Variants in FGGY observed in about 807,000 individuals in gnomAD.
The protein encoded by FGGY is FGGY carbohydrate kinase domain containing.
In FGGY, 72 loss-of-function variants were observed where a neutral mutation model predicts 71.3. The ratio of observed to expected loss-of-function variants is 1.01; its 90% CI spans 0.84 to 1.23. The LOEUF (loss-of-function observed/expected upper bound fraction) is 1.23, where lower values mean the gene tolerates loss of function less well. FGGY is among the 50% of genes most tolerant of loss of function. The pLI, the probability that FGGY is intolerant of heterozygous loss-of-function variation, is 0.00. For missense variants in FGGY, 668 were observed against 682.3 expected, an observed-to-expected ratio of 0.98 and a Z score of 0.23; for synonymous variants, 251 against 250.3, an observed-to-expected ratio of 1.00 and a Z score of -0.02.
intron 4 of FGGY, among the ~76,000 whole-genome samples, chr1:59,365,715 C>A (rs1040985310): frequency 6.6e-6 from 1 of 152,206 alleles, no homozygotes; most frequent in Non-Finnish European, 1.5e-5. Context: ...AGTTTTCTGA[C>A]TCCTTGCCTT....
chr1:59,385,910 A>G (rs1383814657), intron 5 of FGGY, among the ~76,000 whole-genome samples: 2 of 152,176 alleles, frequency 1.3e-5, no homozygotes, highest in Non-Finnish European at 2.9e-5. Context: ...AACTTTTTCT[A>G]ACATTGGGAG....
At chr1:59,664,871 G>A (rs1345498874) in intron 12 of FGGY, among the ~76,000 whole-genome samples, 3 of 151,836 alleles carry the variant, frequency 2.0e-5, no homozygotes, top group Non-Finnish European at 1.5e-5. Flanking sequence ...TAATTTTTTT[G>A]CATGTTGACA....
At chr1:59,454,061 C>T (rs1405491949) in intron 5 of FGGY, among the ~76,000 whole-genome samples, 1 of 152,102 alleles carries the variant, frequency 6.6e-6, no homozygotes, top group Admixed American at 6.6e-5. Flanking sequence ...AGTAGAGAAA[C>T]TTTCACAGAG....
At chr1:59,467,189 A>T (rs1469167787) in intron 6 of FGGY, among the ~76,000 whole-genome samples, 4 of 152,184 alleles carry the variant, frequency 2.6e-5, no homozygotes, top group Non-Finnish European at 1.5e-5. Context: ...GGATGAGTAC[A>T]TGTCTTTTGT....
At chr1:59,756,356 C>T (rs528463730) in intron 14 of FGGY, among the ~76,000 whole-genome samples, 1 of 152,326 alleles carries the variant, frequency 6.6e-6, no homozygotes, top group South Asian at 2.1e-4. Context: ...GTTCAGAATG[C>T]ACATGCTATC....
chr1:59,688,057 A>G (rs1573214721), intron 14 of FGGY, among the ~76,000 whole-genome samples: 1 of 152,238 alleles, frequency 6.6e-6, no homozygotes, highest in East Asian at 1.9e-4. Flanking sequence ...TTTGATGAAT[A>G]CTGCCTATAC....
At chr1:59,304,484 A>T (rs2043174597) in intron 1 of FGGY, among the ~76,000 whole-genome samples, 1 of 152,056 alleles carries the variant, frequency 6.6e-6, no homozygotes, top group South Asian at 2.1e-4. Context: ...TTGTAATATA[A>T]TTTGAAATTG....
chr1:59,621,928 T>A (rs2096812475), intron 9 of FGGY, among the ~76,000 whole-genome samples: 1 of 151,844 alleles, frequency 6.6e-6, no homozygotes, highest in African/African-American at 2.4e-5. Context: ...CAATTCCACA[T>A]ATATGGTACC....
At chr1:59,668,836 A>G (rs1000039562) in intron 13 of FGGY, among the ~76,000 whole-genome samples, 3 of 151,932 alleles carry the variant, frequency 2.0e-5, no homozygotes, top group Non-Finnish European at 4.4e-5. Context: ...TACAAAAAAA[A>G]AAAAATTAGC....
chr1:59,379,994 G>A (rs993208645), intron 5 of FGGY, among the ~76,000 whole-genome samples: 1 of 151,790 alleles, frequency 6.6e-6, no homozygotes, highest in Non-Finnish European at 1.5e-5. Context: ...CCCTTCCTGT[G>A]TCCATGTGTT....
At chr1:59,379,706 T>C (rs540802416) in intron 5 of FGGY, among the ~76,000 whole-genome samples, 1 of 152,322 alleles carries the variant, frequency 6.6e-6, no homozygotes, top group African/African-American at 2.4e-5. Flanking sequence ...TTTAAACTTT[T>C]TGACTTTTTT....
intron 8 of FGGY, among the ~76,000 whole-genome samples, chr1:59,575,444 C>T (rs2096061610): frequency 6.6e-6 from 1 of 152,130 alleles, no homozygotes; most frequent in Non-Finnish European, 1.5e-5. Flanking sequence ...GAATTTCCTT[C>T]TTTTTTAAGA....
Position 59,741,081 on chromosome 1 carries a change from T to C in FGGY, c.1513-16850T>C, listed in dbSNP as rs72921604. On this transcript the variant is annotated intron_variant, in intron 14 of 15. Coordinates refer to ENST00000303721, the MANE Select transcript of FGGY (RefSeq NM_018291.5). ...GGGTACTAGAAAATTTAAAATTACTTGTGTAAATCATATTATTTCTGTTGG... is the reference window on the plus strand; with the variant it reads ...GGGTACTAGAAAATTTAAAATTACTCGTGTAAATCATATTATTTCTGTTGG... 7.1e-3 allele frequency among the ~76,000 whole-genome samples: 1,087 copies of C among 152,340 alleles called. 22 individuals carry two copies. Among genetic ancestry groups the C allele is most frequent in the African/African-American group, 0.025 (1,044 of 41,572 alleles).
chr1:59,462,074 G>C (rs2092280857), intron 6 of FGGY, among the ~76,000 whole-genome samples: 1 of 151,342 alleles, frequency 6.6e-6, no homozygotes, highest in African/African-American at 2.4e-5. Flanking sequence ...AGAACATGCA[G>C]TGTTTGGTTT....
chr1:59,532,461 A>G (rs939135812), intron 7 of FGGY, among the ~76,000 whole-genome samples: 13 of 152,164 alleles, frequency 8.5e-5, no homozygotes, highest in Non-Finnish European at 1.6e-4. Context: ...TTGAAGAGAT[A>G]TTGGCCAAAA....
intron 8 of FGGY, among the ~76,000 whole-genome samples, chr1:59,589,477 A>G (rs2096383046): frequency 6.6e-6 from 1 of 152,078 alleles, no homozygotes; most frequent in Admixed American, 6.5e-5. Context: ...AAATCAACAG[A>G]ATATACATTT....
At chr1:59,581,110 A>G (rs1230752531) in intron 8 of FGGY, among the ~76,000 whole-genome samples, 5 of 150,950 alleles carry the variant, frequency 3.3e-5, no homozygotes, top group South Asian at 2.1e-4. Flanking sequence ...CCAATCAGTC[A>G]TCTTAGTGCT....
chr1:59,474,753 C>G (rs138264405), intron 6 of FGGY, among the ~76,000 whole-genome samples: 1 of 152,102 alleles, frequency 6.6e-6, no homozygotes, highest in Non-Finnish European at 1.5e-5. Flanking sequence ...TGTAGATAAA[C>G]GAGAATAAAT....
intron 8 of FGGY, among the ~76,000 whole-genome samples, chr1:59,559,509 C>A (rs2095750870): frequency 1.3e-5 from 2 of 152,100 alleles, no homozygotes; most frequent in African/African-American, 4.8e-5. Flanking sequence ...TATTTATTTC[C>A]TGGCTCTGTT....
Sources: gnomAD v4.1 joint callset for allele counts (sites outside exome capture counted in the v4.1 genomes callset) on GRCh38, gnomAD v4.1.1 for gene constraint, MANE v1.5 for transcripts, NCBI Gene and HGNC (gene_info 2026-07-23, HGNC 2026-07-21) for gene names.